IKZF1: variants seen among roughly 807,000 people sequenced by gnomAD.
IKZF1 encodes IKAROS family zinc finger 1.
Under a neutral mutation model 51.7 loss-of-function variants are expected in IKZF1, and 10 were observed. The ratio of observed to expected loss-of-function variants is 0.19; its 90% CI spans 0.12 to 0.33. The LOEUF is 0.33. Among genes scored for constraint, IKZF1 ranks in the 10% least tolerant of loss-of-function variants. The pLI, the probability that IKZF1 is intolerant of heterozygous loss-of-function variation, is 1.00. For synonymous variants in IKZF1, 280 were observed against 282.3 expected (o/e 0.99, Z 0.08); for missense variants, 484 against 707.5 (o/e 0.68, Z 3.58).
intron 3 of IKZF1, among the ~76,000 whole-genome samples, chr7:50,361,613 C>T (rs1805258275): frequency 6.6e-6 from 1 of 152,216 alleles, no homozygotes; most frequent in African/African-American, 2.4e-5. Flanking sequence ...CACAGTGGCT[C>T]ACGCCTGTAA....
chr7:50,337,111 A>C (rs1797980988), intron 3 of IKZF1, among the ~76,000 whole-genome samples: 1 of 151,992 alleles, frequency 6.6e-6, no homozygotes, highest in African/African-American at 2.4e-5. Flanking sequence ...ACCATGTGAG[A>C]GGGACCGGGA....
chr7:50,361,755 A>G (rs965119887), intron 3 of IKZF1, among the ~76,000 whole-genome samples: 3 of 152,170 alleles, frequency 2.0e-5, no homozygotes, highest in African/African-American at 7.2e-5. Flanking sequence ...GCGCGCCTGT[A>G]GTCCCAGCTA....
chr7:50,330,488 G>A (rs1443727700), intron 3 of IKZF1, among the ~76,000 whole-genome samples: 3 of 152,184 alleles, frequency 2.0e-5, no homozygotes, highest in Non-Finnish European at 4.4e-5. Flanking sequence ...GGCTTGAGAA[G>A]AGGAAGTGAA....
Position 50,400,355 on chromosome 7 carries a change from G to C in IKZF1, c.1288G>C (p.Glu430Gln), listed in dbSNP as rs529231990. Residue 430 changes from glutamate (E) to glutamine (Q), a missense_variant, in exon 8 of 8, where the codon GAG becomes CAG. By Grantham distance (29) the Glu-to-Gln change is conservative. Transcript: ENST00000331340. This position sits in a 1 kb window ranked among gnomAD's most constrained non-coding sequence, Gnocchi z 5.4. ...PHARNGLSLK[E>Q]EHRAYDLLRA... ...CGCGCGCAACGGGCTGTCGCTCAAG[G>C]AGGAGCACCGCGCCTACGACCTGCT... The C allele has an allele frequency of 7.4e-6, 12 of 1,612,982 alleles. No individual in the cohort carries two copies. In the South Asian group the frequency reaches 1.2e-4, roughly 16 times the overall value.
chr7:50,354,120 C>T (rs1802604553), intron 3 of IKZF1, among the ~76,000 whole-genome samples: 1 of 152,206 alleles, frequency 6.6e-6, no homozygotes, highest in South Asian at 2.1e-4. Context: ...CTGCAAGGTG[C>T]GTCTTTAGCA....
intron 4 of IKZF1, chr7:50,377,284 G>A (rs74415985): frequency 0.036 from 5,582 of 155,036 alleles, 423 homozygotes; most frequent in East Asian, 0.19. Flanking sequence ...CAGCAAAATC[G>A]AGTTTTCAGA....
chr7:50,377,066 C>T, intron 4 of IKZF1: 1 of 496,246 alleles, frequency 2.0e-6, no homozygotes, highest in South Asian at 2.4e-5. Context: ...GCGAGGGCTG[C>T]TATTATAGTA....
chr7:50,325,884 T>C (rs886663319), intron 2 of IKZF1, among the ~76,000 whole-genome samples: 1 of 152,190 alleles, frequency 6.6e-6, no homozygotes, highest in Admixed American at 6.5e-5. Context: ...TCTCTGGCCT[T>C]TTGTTTTTCC....
chr7:50,388,641 A>T (rs1206541851), intron 6 of IKZF1: 1 of 152,228 alleles, frequency 6.6e-6, no homozygotes, highest in Non-Finnish European at 1.5e-5. Flanking sequence ...TCAGGTCTAG[A>T]ATGGAAAGGC....
chr7:50,390,643 G>A (rs999197510), intron 6 of IKZF1, among the ~76,000 whole-genome samples: 2 of 152,206 alleles, frequency 1.3e-5, no homozygotes, highest in African/African-American at 4.8e-5. Context: ...GCCCAAATTA[G>A]TGTATCATTT....
intron 1 of IKZF1, among the ~76,000 whole-genome samples, chr7:50,317,808 A>G (rs1459775142): frequency 1.3e-5 from 2 of 152,230 alleles, no homozygotes; most frequent in Non-Finnish European, 2.9e-5. Flanking sequence ...TAACACTTCT[A>G]CCCTCACAGT....
At position 50,404,428 on chromosome 7, in the gene IKZF1, A is replaced by ACTATCC; in HGVS notation, c.*3802_*3803insTATCCC. 4.4e-6 allele frequency: 1 copy of ACTATCC among 228,898 alleles called. No homozygotes were observed. Among genetic ancestry groups the ACTATCC allele is most frequent in the East Asian group, 6.2e-5 (1 of 16,170 alleles). 14.2% of individuals were successfully genotyped at this position (228,898 alleles called of 1,614,324 possible). A position where few individuals can be genotyped will look rare whatever the true frequency, so the allele number is the denominator to read the frequency against. On this transcript the variant is annotated 3_prime_UTR_variant, in exon 8 of 8. Transcript: ENST00000331340. ...TGTAGTGATAGAACAAATAAATGCA[A>ACTATCC]CGAATACTCTGTCTGCCCTATCCCG...
At chr7:50,390,278 G>A (rs552419264) in intron 6 of IKZF1, among the ~76,000 whole-genome samples, 10 of 152,258 alleles carry the variant, frequency 6.6e-5, no homozygotes, top group Non-Finnish European at 1.5e-4. Context: ...GCAGGCTGTG[G>A]GTGTGGCTTG....
intron 3 of IKZF1, among the ~76,000 whole-genome samples, chr7:50,333,324 T>G: frequency 9.0e-6 from 1 of 111,316 alleles, no homozygotes; most frequent in Non-Finnish European, 1.7e-5. Context: ...ACCAGCACGG[T>G]AGTCGGGGGA....
chr7:50,341,828 GATGT>G (rs1799135436), intron 3 of IKZF1, among the ~76,000 whole-genome samples: 1 of 151,992 alleles, frequency 6.6e-6, no homozygotes, highest in South Asian at 2.1e-4. Flanking sequence ...TGAAACCCCG[GATGT>G]ATTTTTTTTT....
At position 50,327,776 on chromosome 7, in the gene IKZF1, G is replaced by C; in HGVS notation, c.160+19G>C. 2 of 1,591,778 alleles carry C rather than the reference G, an allele frequency of 1.3e-6. No individual in the cohort carries two copies. Among genetic ancestry groups the C allele is most frequent in the Non-Finnish European group, 1.7e-6 (2 of 1,169,520 alleles). On this transcript the variant is annotated intron_variant, in intron 3 of 7. Transcript: ENST00000331340. ...GTCGTGGGTAAGTGGGTCACCAGCG[G>C]CCTCTGTGCCTGTGAAACCTTTATC...
intron 3 of IKZF1, among the ~76,000 whole-genome samples, chr7:50,358,757 A>C (rs1372682495): frequency 6.6e-6 from 1 of 152,158 alleles, no homozygotes; most frequent in East Asian, 1.9e-4. Context: ...TAGTGAGACG[A>C]CCATGGAGAG....
Position 50,391,732 on chromosome 7 carries a change from T to A in IKZF1, c.719T>A (p.Ile240Asn). 1 of 1,613,932 alleles carries A rather than the reference T, an allele frequency of 6.2e-7. No individual in the cohort carries two copies. The highest frequency in any genetic ancestry group is 8.5e-7 in the Non-Finnish European group (1 of 1,179,868). The change falls in exon 7 of 8, where the codon ATT becomes AAT. Residue 240 changes from isoleucine (I) to asparagine (N), a missense_variant. Physicochemically the swap from Ile to Asn is moderately radical, Grantham distance 149. Transcript: ENST00000331340. Reference sequence around the variant, plus strand: ...GCCTCTCTGTCTTTGACTTTAGTCATTAAAGAAGAAACTAATCACAGTGAA... The same window carrying A: ...GCCTCTCTGTCTTTGACTTTAGTCAATAAAGAAGAAACTAATCACAGTGAA... ...MGLPGTLYPV[I>N]KEETNHSEMA... is the part of the protein sequence containing the mutation.
intron 3 of IKZF1, among the ~76,000 whole-genome samples, chr7:50,350,834 G>C (rs1490775798): frequency 6.6e-6 from 1 of 152,174 alleles, no homozygotes; most frequent in Non-Finnish European, 1.5e-5. Flanking sequence ...CTCTGGTAGC[G>C]CTTTATCCCT....
Sources: gnomAD v4.1 joint callset for allele counts (sites outside exome capture counted in the v4.1 genomes callset) on GRCh38, gnomAD v4.1.1 for gene constraint, Gnocchi (gnomAD v3.1) non-coding constraint, MANE v1.5 for transcripts, NCBI Gene and HGNC (gene_info 2026-07-23, HGNC 2026-07-21) for gene names.